TLN1: variants seen among roughly 807,000 people sequenced by gnomAD.
The protein encoded by TLN1 is talin-1.
TLN1 carries 56 observed loss-of-function variants against 292.3 expected under a neutral mutation model. The ratio of observed to expected loss-of-function variants is 0.19; its 90% CI spans 0.15 to 0.24. The LOEUF is 0.24. Ranked by LOEUF, TLN1 falls within the 10% of genes least tolerant of loss-of-function variation. The pLI is 1.00. For synonymous variants in TLN1, 1,119 were observed against 1,253.7 expected (o/e 0.89, Z 2.27); for missense variants, 2,433 against 3,248.2 (o/e 0.75, Z 6.10).
Position 35,704,408 on chromosome 9 carries a change from C to T in TLN1, c.5971G>A (p.Asp1991Asn). Residue 1991 changes from aspartate to asparagine, a missense_variant, in exon 45 of 57, where the codon GAC becomes AAC. Coordinates refer to ENST00000314888, the MANE Select transcript of TLN1 (RefSeq NM_006289.4). The surrounding 1 kb of genome is among the most constrained non-coding windows in gnomAD (Gnocchi z 6.9). ...GCGAACATGATGGTGGTGTCGAGGT[C>T]AGCAATGATACCAGACACAGCGCTG... ...AASAVSGIIA[D>N]LDTTIMFATA... The T allele has an allele frequency of 6.2e-7, 1 of 1,614,228 alleles. No individual in the cohort carries two copies. Among genetic ancestry groups the T allele is most frequent in the South Asian group, 1.1e-5 (1 of 91,090 alleles).
At chr9:35,722,946 C>G in intron 7 of TLN1, 25 bp from the exon 8 acceptor site, 1 of 1,612,032 alleles carries the variant, frequency 6.2e-7, no homozygotes, top group Non-Finnish European at 8.5e-7. Context: ...GGAGGGTCAG[C>G]ATGTGGTAGA....
Position 35,707,946 on chromosome 9 carries a change from C to T in TLN1, c.4471-54G>A. 6.3e-7 allele frequency: 1 copy of T among 1,589,330 alleles called. No individual in the cohort carries two copies. Among genetic ancestry groups the T allele is most frequent in the Non-Finnish European group, 8.6e-7 (1 of 1,163,088 alleles). On this transcript the variant is annotated intron_variant, in intron 34 of 56. Transcript: ENST00000314888. This position sits in a 1 kb window ranked among gnomAD's most constrained non-coding sequence, Gnocchi z 5.6. ...GAGGGCAGGAAGGAGGTGTACATAC[C>T]CAAGGAGGAGCCATTTTAGGGTCAG...
At position 35,714,212 on chromosome 9, in the gene TLN1, T is replaced by C; in HGVS notation, c.3120+27A>G. ...CTCATCACAGGACTCCAGCCTCATC[T>C]TCCAAAGCCAGAACCAGCTTCCATA... On this transcript the variant is annotated intron_variant, in intron 24 of 56. Coordinates refer to ENST00000314888, the MANE Select transcript of TLN1 (RefSeq NM_006289.4). This position sits in a 1 kb window ranked among gnomAD's most constrained non-coding sequence, Gnocchi z 4.6. The C allele has an allele frequency of 6.3e-7, 1 of 1,597,980 alleles. No homozygotes were observed. The highest frequency in any genetic ancestry group is 1.1e-5 in the South Asian group (1 of 89,836).
chr9:35,718,676 G>C, intron 17 of TLN1, 136 bp downstream of exon 17: 1 of 699,346 alleles, frequency 1.4e-6, no homozygotes, highest in Non-Finnish European at 2.5e-6. Flanking sequence ...GAAGTTACTA[G>C]TATCATCCCC....
At chr9:35,722,032 G>T in intron 9 of TLN1, 87 bp downstream of exon 9, 1 of 1,332,872 alleles carries the variant, frequency 7.5e-7, no homozygotes, top group South Asian at 1.2e-5. Flanking sequence ...TGGGAGATGT[G>T]ACTGAGGGCA....
chr9:35,709,747 C>A (rs1177655472), intron 33 of TLN1, among the ~76,000 whole-genome samples: 1 of 148,090 alleles, frequency 6.8e-6, no homozygotes, highest in Non-Finnish European at 1.5e-5. Flanking sequence ...ATTAGCCGGG[C>A]ATGGTGGCGC....
intron 33 of TLN1, 109 bp from the exon 34 acceptor site, chr9:35,708,593 A>G: frequency 8.7e-7 from 1 of 1,148,664 alleles, no homozygotes; most frequent in Non-Finnish European, 1.1e-6. Flanking sequence ...AATAGGGCTT[A>G]TTTTCCAGAG....
In TLN1 at chr9:35,705,864, G is replaced by T. The variant is rs1825556051; in HGVS notation, c.5512-13C>A. The T allele has an allele frequency of 6.2e-7, 1 of 1,614,174 alleles. No homozygotes were observed. The highest frequency in any genetic ancestry group is 8.5e-7 in the Non-Finnish European group (1 of 1,180,012). ...GTCCTTCATCTAGCTGAGGGGGGAG[G>T]ATAGGGAAAGGGAAAGACTGTTAGG... On this transcript the variant is annotated splice_polypyrimidine_tract_variant and intron_variant, in intron 41 of 56. Transcript: ENST00000314888.
At chr9:35,725,405 C>A in intron 2 of TLN1, 84 bp from the exon 3 acceptor site, 2 of 1,543,382 alleles carry the variant, frequency 1.3e-6, no homozygotes, top group Non-Finnish European at 1.8e-6. Context: ...CTGACTATTT[C>A]TCCCATGACC....
intron 1 of TLN1, among the ~76,000 whole-genome samples, chr9:35,730,092 T>C (rs1826046964): frequency 1.3e-5 from 2 of 149,070 alleles, no homozygotes; most frequent in South Asian, 4.3e-4. Flanking sequence ...AATGATTACA[T>C]GGATGGTGGC....
chr9:35,712,258 AGGCT>A, intron 27 of TLN1, 134 bp from the exon 28 acceptor site: 1 of 1,262,674 alleles, frequency 7.9e-7, no homozygotes, highest in South Asian at 1.6e-5. Flanking sequence ...GTAGGTGAAC[AGGCT>A]GAGGTTAGGG....
chr9:35,730,931 CT>C (rs1826066694), intron 1 of TLN1, among the ~76,000 whole-genome samples: 1 of 152,154 alleles, frequency 6.6e-6, no homozygotes, highest in African/African-American at 2.4e-5. Flanking sequence ...CAGTCCCCAA[CT>C]TGTGACTAGG....
intron 48 of TLN1, among the ~76,000 whole-genome samples, chr9:35,701,981 T>C (rs572301300): frequency 3.9e-5 from 6 of 152,092 alleles, no homozygotes; most frequent in African/African-American, 1.4e-4. Flanking sequence ...ATTTAGAAAT[T>C]AGAAAGATGA....
chr9:35,700,794 T>C (rs1314695355), intron 48 of TLN1, among the ~76,000 whole-genome samples: 1 of 152,238 alleles, frequency 6.6e-6, no homozygotes, highest in Non-Finnish European at 1.5e-5. Context: ...ACCGAGGAAC[T>C]TGGACTTTTA....
chr9:35,703,809 T>G lies in TLN1; in HGVS notation c.6323A>C (p.Asp2108Ala). Reference sequence around the variant, plus strand: ...GTTCTTTAGCTGCCACACAGCAGGGTCATCTCCAACTTTGCCAGCTGCAGC... The same window carrying G: ...GTTCTTTAGCTGCCACACAGCAGGGGCATCTCCAACTTTGCCAGCTGCAGC... Reference protein sequence around the residue: ...TKAAAGKVGDDPAVWQLKNSA... With the variant: ...TKAAAGKVGDAPAVWQLKNSA... Residue 2108 changes from aspartate to alanine, a missense_variant, in exon 47 of 57, where the codon GAC becomes GCC. Coordinates refer to ENST00000314888, the MANE Select transcript of TLN1 (RefSeq NM_006289.4). 6.2e-7 allele frequency: 1 copy of G among 1,614,228 alleles called. No individual in the cohort carries two copies. The highest frequency in any genetic ancestry group is 8.5e-7 in the Non-Finnish European group (1 of 1,180,040).
Position 35,719,876 on chromosome 9 carries a change from AG to A in TLN1, c.1465-24del. On this transcript the variant is annotated intron_variant, in intron 13 of 56. Coordinates refer to ENST00000314888, the MANE Select transcript of TLN1 (RefSeq NM_006289.4). This position sits in a 1 kb window ranked among gnomAD's most constrained non-coding sequence, Gnocchi z 4.6. Reference sequence around the variant, plus strand: ...AGTCTAAAGACAAGTGGGGAGAAACAGGGACTGGAATGGATGTTTGGAGAAA... The same window carrying A: ...AGTCTAAAGACAAGTGGGGAGAAACAGGACTGGAATGGATGTTTGGAGAAA... 6.4e-7 allele frequency: 1 copy of A among 1,573,238 alleles called. No homozygotes were observed. Among genetic ancestry groups the A allele is most frequent in the East Asian group, 2.3e-5 (1 of 43,082 alleles).
chr9:35,719,431 G>T lies in TLN1; in HGVS notation c.1687+88C>A. The T allele has an allele frequency of 7.2e-7, 1 of 1,381,694 alleles. No individual in the cohort carries two copies. The highest frequency in any genetic ancestry group is 1.0e-6 in the Non-Finnish European group (1 of 971,100). 85.6% of individuals were successfully genotyped at this position (1,381,694 alleles called of 1,614,324 possible). ...CCCTTCCACAGTGAGTCAAGGCACAGTCACACATGAAGCCAGTCACATGCA... is the reference window on the plus strand; with the variant it reads ...CCCTTCCACAGTGAGTCAAGGCACATTCACACATGAAGCCAGTCACATGCA... On this transcript the variant is annotated intron_variant, in intron 15 of 56. Coordinates refer to ENST00000314888, the MANE Select transcript of TLN1 (RefSeq NM_006289.4). This position sits in a 1 kb window ranked among gnomAD's most constrained non-coding sequence, Gnocchi z 4.6.
At position 35,699,489 on chromosome 9, in the gene TLN1, G is replaced by T. The variant is rs1433850460; in HGVS notation, c.6769-28C>A. 1.1e-5 allele frequency: 18 copies of T among 1,601,068 alleles called. No homozygotes were observed. The highest frequency in any genetic ancestry group is 1.5e-5 in the Non-Finnish European group (18 of 1,172,982). On this transcript the variant is annotated intron_variant, in intron 50 of 56. Coordinates refer to ENST00000314888, the MANE Select transcript of TLN1 (RefSeq NM_006289.4). This position sits in a 1 kb window ranked among gnomAD's most constrained non-coding sequence, Gnocchi z 4.0. ...GGGCAAGAAGCGGGCAGGGGACAAA[G>T]AGCATCACATCTTAGGGTCTACCCT... is the stretch of plus-strand genomic sequence containing the variant.
In TLN1 at chr9:35,711,711, C is replaced by T; in HGVS notation, c.3763G>A (p.Glu1255Lys). Residue 1255 changes from glutamate to lysine, a missense_variant, in exon 29 of 57, where the codon GAA becomes AAA. Transcript: ENST00000314888. ...GTTCCCCGAGAGGCCTGCACCAGTT[C>T]TGTGGCTGCCTGATTCAGCCCAGCA... is the stretch of plus-strand genomic sequence containing the variant. ...AAAGLNQAATELVQASRGTPQ... is the reference protein window; with the variant it reads ...AAAGLNQAATKLVQASRGTPQ... 6.2e-7 allele frequency: 1 copy of T among 1,614,184 alleles called. No homozygotes were observed. Among genetic ancestry groups the T allele is most frequent in the Non-Finnish European group, 8.5e-7 (1 of 1,180,046 alleles).
Sources: gnomAD v4.1 joint callset for allele counts (sites outside exome capture counted in the v4.1 genomes callset) on GRCh38, gnomAD v4.1.1 for gene constraint, Gnocchi (gnomAD v3.1) non-coding constraint, MANE v1.5 for transcripts, NCBI Gene and HGNC (gene_info 2026-07-23, HGNC 2026-07-21) for gene names.